The following PARD3B variants were observed in gnomAD, a reference collection of about 807,000 sequenced individuals.
The protein encoded by PARD3B is partitioning defective 3 homolog B.
In PARD3B, 103 loss-of-function variants were observed where a neutral mutation model predicts 130.2. The observed-to-expected ratio is 0.79, with a 90% CI of 0.67 to 0.93. The LOEUF is 0.93. PARD3B is among the 40% of genes least tolerant of loss of function. The probability of loss-of-function intolerance (pLI) is 0.00; values close to 1 mark genes in which losing one functional copy is unlikely to be tolerated. For missense variants in PARD3B, 1,609 were observed against 1,499.2 expected, an observed-to-expected ratio of 1.07 and a Z score of -1.21; for synonymous variants, 583 against 553.2, an observed-to-expected ratio of 1.05 and a Z score of -0.76.
chr2:204,899,570 C>T (rs1229439409), intron 2 of PARD3B, among the ~76,000 whole-genome samples: 2 of 151,984 alleles, frequency 1.3e-5, no homozygotes, highest in Non-Finnish European at 2.9e-5. Context: ...TTGTATCTTA[C>T]TGTTATGTCT....
chr2:205,260,086 C>A (rs1280799000), intron 16 of PARD3B, among the ~76,000 whole-genome samples: 1 of 152,168 alleles, frequency 6.6e-6, no homozygotes, highest in Non-Finnish European at 1.5e-5. Flanking sequence ...CACCATCATT[C>A]CCAACTCTGA....
chr2:204,680,148 G>T (rs2036758266), intron 1 of PARD3B, among the ~76,000 whole-genome samples: 1 of 151,908 alleles, frequency 6.6e-6, no homozygotes, highest in Non-Finnish European at 1.5e-5. Context: ...GGCATTATTT[G>T]TTCCTTAAAT....
intron 1 of PARD3B, among the ~76,000 whole-genome samples, chr2:204,663,029 C>G (rs993147581): frequency 6.6e-6 from 1 of 152,184 alleles, no homozygotes; most frequent in African/African-American, 2.4e-5. Flanking sequence ...TGCTACCTTT[C>G]CTCCCTTATC....
intron 22 of PARD3B, among the ~76,000 whole-genome samples, chr2:205,576,002 G>A (rs1437646528): frequency 6.6e-6 from 1 of 152,184 alleles, no homozygotes; most frequent in African/African-American, 2.4e-5. Context: ...CAATGAGTGA[G>A]AGTTCCTGTT....
At chr2:205,209,919 T>C (rs2037533532) in intron 15 of PARD3B, among the ~76,000 whole-genome samples, 1 of 152,136 alleles carries the variant, frequency 6.6e-6, no homozygotes, top group African/African-American at 2.4e-5. Flanking sequence ...GGATTGTTTG[T>C]AACGCAAAGG....
chr2:204,801,722 G>A (rs1318329893), intron 2 of PARD3B, among the ~76,000 whole-genome samples: 1 of 152,150 alleles, frequency 6.6e-6, no homozygotes, highest in Non-Finnish European at 1.5e-5. Flanking sequence ...GAATGCTGCG[G>A]CCAGAACTTC....
intron 10 of PARD3B, among the ~76,000 whole-genome samples, chr2:205,149,859 G>T (rs938806037): frequency 6.6e-6 from 1 of 152,198 alleles, no homozygotes; most frequent in African/African-American, 2.4e-5. Context: ...CATTTTAATT[G>T]TCACAGCTTG....
At chr2:204,935,611 A>T (rs961167543) in intron 2 of PARD3B, among the ~76,000 whole-genome samples, 1 of 151,680 alleles carries the variant, frequency 6.6e-6, no homozygotes, top group Non-Finnish European at 1.5e-5. Flanking sequence ...TTATGTGTGT[A>T]TACACACACA....
intron 1 of PARD3B, among the ~76,000 whole-genome samples, chr2:204,608,099 A>C (rs918657827): frequency 1.3e-5 from 2 of 152,164 alleles, no homozygotes; most frequent in African/African-American, 4.8e-5. Context: ...CTACTGCATA[A>C]ATATCTGTGA....
intron 10 of PARD3B, among the ~76,000 whole-genome samples, chr2:205,145,067 T>C (rs2033251533): frequency 6.6e-6 from 1 of 152,178 alleles, no homozygotes; most frequent in Non-Finnish European, 1.5e-5. Context: ...ATGAAGATGA[T>C]TGAGATGTAA....
At chr2:205,400,979 A>T in intron 18 of PARD3B, 34 bp from the exon 19 acceptor site, 1 of 1,486,826 alleles carries the variant, frequency 6.7e-7, no homozygotes. Flanking sequence ...CAATGTGATT[A>T]TTGTTAACAG....
rs745415671 is a variant in PARD3B, at chr2:204,829,998, CAAAAAAAAAAA to C, written c.223-135138_223-135128del. On this transcript the variant is annotated intron_variant, in intron 2 of 22. Transcript: ENST00000406610. ...TGGGCGACAGAGCGAGACTCCGTCT[CAAAAAAAAAAA>C]AAAAAAAAAAAAAAATGTGTAGCAC... Among the ~76,000 whole-genome samples the C allele has an allele frequency of 8.4e-5, 4 of 47,704 alleles. No individual in the cohort carries two copies. In the East Asian group the frequency reaches 2.2e-3, roughly 26 times the overall value. 31.3% of individuals were successfully genotyped at this position (47,704 alleles called of 152,430 possible).
intron 22 of PARD3B, among the ~76,000 whole-genome samples, chr2:205,606,055 T>G (rs751456269): frequency 6.6e-6 from 1 of 151,698 alleles, no homozygotes; most frequent in African/African-American, 2.4e-5. Flanking sequence ...TGCTGCACTG[T>G]GGGGAATTCC....
In PARD3B at chr2:204,965,040, G is replaced by A. The variant is rs184118377; in HGVS notation, c.223-112G>A. The A allele has an allele frequency of 2.2e-5, 21 of 959,560 alleles. No homozygotes were observed. In the African/African-American group the frequency reaches 2.8e-4, roughly 13 times the overall value. The allele number at this position is 959,560 out of a possible 1,614,324, so 59.4% of individuals were successfully genotyped here. A position where few individuals can be genotyped will look rare whatever the true frequency, so the allele number is the denominator to read the frequency against. ...TGGTATAGTAACATTAACATTTTAA[G>A]TTTGATGAGGCGATTTTCTTTGCAA... On this transcript the variant is annotated intron_variant, in intron 2 of 22. Transcript: ENST00000406610.
chr2:204,557,648 T>C (rs1247979792), intron 1 of PARD3B, among the ~76,000 whole-genome samples: 2 of 151,458 alleles, frequency 1.3e-5, no homozygotes, highest in Non-Finnish European at 2.9e-5. Flanking sequence ...GTTTGTAAGT[T>C]TGGAGTCTAT....
chr2:205,057,158 T>A (rs1699692536), intron 4 of PARD3B, among the ~76,000 whole-genome samples: 1 of 151,322 alleles, frequency 6.6e-6, no homozygotes, highest in Admixed American at 6.6e-5. Flanking sequence ...TTCTTATTGT[T>A]TCATGAATAA....
chr2:204,841,206 T>C (rs2044248910), intron 2 of PARD3B, among the ~76,000 whole-genome samples: 1 of 152,116 alleles, frequency 6.6e-6, no homozygotes, highest in African/African-American at 2.4e-5. Flanking sequence ...TCTTATGTGA[T>C]AGGTTGGATG....
At chr2:205,260,894 C>T (rs2040279470) in intron 16 of PARD3B, among the ~76,000 whole-genome samples, 1 of 152,110 alleles carries the variant, frequency 6.6e-6, no homozygotes, top group Non-Finnish European at 1.5e-5. Flanking sequence ...ACTGCTTTAA[C>T]TCTCCTGCTT....
In PARD3B at chr2:205,459,909, G is replaced by A. The variant is rs139650870; in HGVS notation, c.3044+19237G>A. Among the ~76,000 whole-genome samples the A allele has an allele frequency of 4.9e-3, 750 of 152,284 alleles. 8 individuals carry two copies. The highest frequency in any genetic ancestry group is 0.014 in the African/African-American group (581 of 41,556). On this transcript the variant is annotated intron_variant, in intron 20 of 22. Transcript: ENST00000406610. ...TTGCCACTGCTTTGCACTCACTGCA[G>A]CCTTGTTCCAGCTTCTTTCTCCTGG...
Sources: gnomAD v4.1 joint callset for allele counts (sites outside exome capture counted in the v4.1 genomes callset) on GRCh38, gnomAD v4.1.1 for gene constraint, MANE v1.5 for transcripts, NCBI Gene and HGNC (gene_info 2026-07-23, HGNC 2026-07-21) for gene names.